Variants in CADPS2 observed in about 807,000 individuals in gnomAD.
CADPS2 encodes calcium dependent secretion activator 2.
Under a neutral mutation model 172.5 loss-of-function variants are expected in CADPS2, and 93 were observed. The observed-to-expected ratio is 0.54, with a 90% CI of 0.46 to 0.64. CADPS2 has a LOEUF of 0.64. Among genes scored for constraint, CADPS2 ranks in the 30% least tolerant of loss-of-function variants. CADPS2 has a pLI of 0.00. For missense variants in CADPS2, 1,420 were observed against 1,565.9 expected (o/e 0.91, Z 1.57); for synonymous variants, 546 against 555.2 (o/e 0.98, Z 0.23).
At chr7:122,538,032 G>A (rs973372478) in intron 8 of CADPS2, among the ~76,000 whole-genome samples, 2 of 151,272 alleles carry the variant, frequency 1.3e-5, no homozygotes, top group African/African-American at 4.8e-5. Context: ...GCCACCAAAG[G>A]TATTCAAAAA....
chr7:122,729,746 CT>C (rs1189735708), intron 2 of CADPS2, among the ~76,000 whole-genome samples: 1 of 130,222 alleles, frequency 7.7e-6, no homozygotes, highest in Non-Finnish European at 1.6e-5. Context: ...TTAGTCCCAT[CT>C]TCCCCCTTCT....
chr7:122,615,370 T>C (rs1390798161), intron 5 of CADPS2, 71 bp from the exon 6 acceptor site: 1 of 1,002,734 alleles, frequency 1.0e-6, no homozygotes. Flanking sequence ...AACAGCAGCA[T>C]GAACTGTAAT....
At chr7:122,653,183 C>T (rs915197542) in intron 3 of CADPS2, among the ~76,000 whole-genome samples, 12 of 152,176 alleles carry the variant, frequency 7.9e-5, no homozygotes, top group African/African-American at 2.4e-4. Context: ...GAACAGCCCT[C>T]GATCCTGAGC....
intron 1 of CADPS2, among the ~76,000 whole-genome samples, chr7:122,878,913 C>T (rs1320460665): frequency 5.9e-5 from 9 of 152,154 alleles, no homozygotes; most frequent in African/African-American, 2.2e-4. Context: ...GGCCATAACA[C>T]TTAGTAATGA....
chr7:122,619,226 T>C (rs117885400), intron 5 of CADPS2, among the ~76,000 whole-genome samples: 5 of 152,272 alleles, frequency 3.3e-5, no homozygotes, highest in East Asian at 1.9e-4. Context: ...AGAGAAAAGA[T>C]AAAATGTTCT....
At chr7:122,676,394 G>C (rs1308600556) in intron 2 of CADPS2, among the ~76,000 whole-genome samples, 1 of 152,142 alleles carries the variant, frequency 6.6e-6, no homozygotes, top group African/African-American at 2.4e-5. Context: ...CAAGTAATGA[G>C]AAAACAAGAG....
At chr7:122,763,143 A>C (rs2093444589) in intron 1 of CADPS2, among the ~76,000 whole-genome samples, 1 of 152,192 alleles carries the variant, frequency 6.6e-6, no homozygotes, top group African/African-American at 2.4e-5. Flanking sequence ...GAGCACACAA[A>C]TAACCAAGTC....
intron 2 of CADPS2, among the ~76,000 whole-genome samples, chr7:122,706,175 G>T: frequency 2.2e-5 from 1 of 44,864 alleles, no homozygotes; most frequent in Non-Finnish European, 3.9e-5. Context: ...TATATTCAAG[G>T]AATACATATA....
chr7:122,457,789 T>C (rs1000112902), intron 14 of CADPS2, among the ~76,000 whole-genome samples: 25 of 152,318 alleles, frequency 1.6e-4, no homozygotes, highest in Admixed American at 5.9e-4. Flanking sequence ...ATGTGAGGGA[T>C]AAATGTGTTT....
intron 2 of CADPS2, among the ~76,000 whole-genome samples, chr7:122,707,544 A>G (rs1238932676): frequency 2.6e-5 from 4 of 151,992 alleles, no homozygotes; most frequent in Non-Finnish European, 5.9e-5. Context: ...CTACCTCACA[A>G]GTGTCAGTAT....
At chr7:122,701,836 A>C in intron 2 of CADPS2, 2 of 1,570,562 alleles carry the variant, frequency 1.3e-6, no homozygotes, top group Non-Finnish European at 8.6e-7. Flanking sequence ...AGATTTCTTA[A>C]GTTTTCAGGA....
At chr7:122,638,668 T>C (rs1427890129) in intron 3 of CADPS2, among the ~76,000 whole-genome samples, 1 of 152,146 alleles carries the variant, frequency 6.6e-6, no homozygotes, top group African/African-American at 2.4e-5. Flanking sequence ...AAGGGAGTCA[T>C]GGGGTTTTTC....
chr7:122,677,000 G>C (rs979711025), intron 2 of CADPS2, among the ~76,000 whole-genome samples: 2 of 152,056 alleles, frequency 1.3e-5, no homozygotes, highest in Admixed American at 1.3e-4. Context: ...CCAGTAAAAG[G>C]ACACACTTGT....
intron 8 of CADPS2, among the ~76,000 whole-genome samples, chr7:122,515,662 T>C (rs1036799454): frequency 2.0e-5 from 3 of 151,970 alleles, no homozygotes; most frequent in African/African-American, 7.2e-5. Flanking sequence ...TGAAAGTAAA[T>C]AGTGATACAC....
chr7:122,382,353 G>A (rs1453395283), intron 24 of CADPS2: 2 of 152,076 alleles, frequency 1.3e-5, no homozygotes, highest in Non-Finnish European at 2.9e-5. Flanking sequence ...TTTAAAATAA[G>A]GCAAGTCAAA....
At chr7:122,794,010 G>A (rs1395415454) in intron 1 of CADPS2, among the ~76,000 whole-genome samples, 6 of 152,022 alleles carry the variant, frequency 3.9e-5, no homozygotes, top group East Asian at 1.9e-4. Context: ...TTAGTCTGAC[G>A]GGCTTCTCTT....
intron 9 of CADPS2, among the ~76,000 whole-genome samples, chr7:122,503,555 C>T (rs1171313765): frequency 6.6e-6 from 1 of 152,068 alleles, no homozygotes; most frequent in Non-Finnish European, 1.5e-5. Context: ...TTGCTCTTTC[C>T]TATGTTGTCT....
At chr7:122,475,123 C>G (rs1304902720) in intron 12 of CADPS2, among the ~76,000 whole-genome samples, 1 of 152,134 alleles carries the variant, frequency 6.6e-6, no homozygotes, top group African/African-American at 2.4e-5. Context: ...ATCAAAGGCC[C>G]AAATTTATTG....
At chr7:122,565,101 C>T (rs1181358372) in intron 7 of CADPS2, among the ~76,000 whole-genome samples, 1 of 151,808 alleles carries the variant, frequency 6.6e-6, no homozygotes, top group Non-Finnish European at 1.5e-5. Flanking sequence ...GGAGGGTGAG[C>T]ACTGAAAAAT....
Sources: gnomAD v4.1 joint callset for allele counts (sites outside exome capture counted in the v4.1 genomes callset) on GRCh38, gnomAD v4.1.1 for gene constraint, MANE v1.5 for transcripts, NCBI Gene and HGNC (gene_info 2026-07-23, HGNC 2026-07-21) for gene names.